Variants in SRBD1 observed in about 807,000 individuals in gnomAD.
SRBD1 encodes S1 RNA binding domain 1, also known as S1 RNA-binding domain-containing protein 1.
A neutral mutation model predicts 115.3 loss-of-function variants in SRBD1; 88 were observed. That is an observed-to-expected ratio of 0.76 (90% confidence interval 0.64 to 0.91). The LOEUF is 0.91. Ranked by LOEUF, SRBD1 falls within the 40% of genes least tolerant of loss-of-function variation. The probability of loss-of-function intolerance (pLI) is 0.00; values close to 1 mark genes in which losing one functional copy is unlikely to be tolerated. For missense variants in SRBD1, 1,385 were observed against 1,177.4 expected, an observed-to-expected ratio of 1.18 and a Z score of -2.58; for synonymous variants, 509 against 407.7, an observed-to-expected ratio of 1.25 and a Z score of -2.99.
intron 5 of SRBD1, among the ~76,000 whole-genome samples, chr2:45,584,897 T>G (rs1261528099): frequency 6.6e-6 from 1 of 152,174 alleles, no homozygotes. Flanking sequence ...AAGCCTATCA[T>G]CTCAGCACTT....
intron 19 of SRBD1, among the ~76,000 whole-genome samples, chr2:45,398,955 C>G (rs979192577): frequency 3.3e-5 from 5 of 152,018 alleles, no homozygotes; most frequent in Non-Finnish European, 7.4e-5. Context: ...GCTATTATTG[C>G]TCCAAAGACA....
chr2:45,419,333 A>C (rs1248130541), intron 17 of SRBD1, among the ~76,000 whole-genome samples: 1 of 152,226 alleles, frequency 6.6e-6, no homozygotes, highest in African/African-American at 2.4e-5. Context: ...ACATGCGATT[A>C]TAGTATGATA....
At chr2:45,575,670 T>C (rs1198198814) in intron 7 of SRBD1, among the ~76,000 whole-genome samples, 1 of 152,184 alleles carries the variant, frequency 6.6e-6, no homozygotes, top group Non-Finnish European at 1.5e-5. Flanking sequence ...GTAATTATGT[T>C]TACAGTTGAC....
At chr2:45,497,910 T>C (rs530156890) in intron 14 of SRBD1, among the ~76,000 whole-genome samples, 51 of 152,250 alleles carry the variant, frequency 3.3e-4, no homozygotes, top group Admixed American at 1.2e-3. Context: ...GACATGCACC[T>C]GTAATCCCAG....
chr2:45,550,454 CCA>C (rs1672260375), intron 12 of SRBD1, among the ~76,000 whole-genome samples: 1 of 148,740 alleles, frequency 6.7e-6, no homozygotes, highest in South Asian at 2.1e-4. Context: ...TAACAAATAA[CCA>C]CAGTTTGGCT....
At chr2:45,412,853 G>T (rs1400814960) in intron 19 of SRBD1, among the ~76,000 whole-genome samples, 1 of 152,104 alleles carries the variant, frequency 6.6e-6, no homozygotes, top group East Asian at 1.9e-4. Context: ...CAAACAGAGG[G>T]GAGTGCCATG....
At position 45,599,984 on chromosome 2, in the gene SRBD1, C is replaced by G. The variant is rs193236470; in HGVS notation, c.262-149G>C. The G allele has an allele frequency of 1.1e-4, 102 of 952,094 alleles. No individual in the cohort carries two copies. In the Admixed American group the frequency reaches 2.6e-3, roughly 24 times the overall value. 59.0% of individuals were successfully genotyped at this position (952,094 alleles called of 1,614,324 possible). A position where few individuals can be genotyped will look rare whatever the true frequency, so the allele number is the denominator to read the frequency against. Reference sequence around the variant, plus strand: ...AAATTATGTTGAGTGGGAAAAAAAGCCAATCTCAAAGTTACATACTATATG... The same window carrying G: ...AAATTATGTTGAGTGGGAAAAAAAGGCAATCTCAAAGTTACATACTATATG... On this transcript the variant is annotated intron_variant, in intron 3 of 20. Transcript: ENST00000263736.
In SRBD1 at chr2:45,389,223, C is replaced by T; in HGVS notation, c.*87G>A. On this transcript the variant is annotated 3_prime_UTR_variant, in exon 21 of 21. Coordinates refer to ENST00000263736, the MANE Select transcript of SRBD1 (RefSeq NM_018079.5). ...TATTAAGTGAATTATTTCTCATCTG[C>T]TACCTAGAGTTTACAAACAACTGAC... The T allele has an allele frequency of 4.9e-6, 7 of 1,422,198 alleles. No homozygotes were observed. The highest frequency in any genetic ancestry group is 6.7e-6 in the Non-Finnish European group (7 of 1,048,906). 88.1% of individuals were successfully genotyped at this position (1,422,198 alleles called of 1,614,324 possible).
At chr2:45,550,268 T>C (rs1230180271) in intron 12 of SRBD1, among the ~76,000 whole-genome samples, 1 of 151,304 alleles carries the variant, frequency 6.6e-6, no homozygotes, top group Non-Finnish European at 1.5e-5. Flanking sequence ...GTAATTGGAG[T>C]TCCAGAAAGA....
At chr2:45,565,821 T>A (rs557470636) in intron 9 of SRBD1, among the ~76,000 whole-genome samples, 49 of 152,360 alleles carry the variant, frequency 3.2e-4, no homozygotes, top group African/African-American at 1.2e-3. Context: ...AGATGGGGTT[T>A]CACCATGTTG....
At chr2:45,428,294 T>C (rs1234711058) in intron 16 of SRBD1, among the ~76,000 whole-genome samples, 3 of 152,124 alleles carry the variant, frequency 2.0e-5, no homozygotes, top group African/African-American at 7.2e-5. Flanking sequence ...CTCACGCCTG[T>C]AATCCCAGCA....
In SRBD1 at chr2:45,597,349, G is replaced by C. The variant is rs541763621; in HGVS notation, c.648+2100C>G. Among the ~76,000 whole-genome samples, 18 of 151,984 alleles carry C rather than the reference G, an allele frequency of 1.2e-4. 1 individual carries two copies. In the South Asian group the frequency reaches 3.3e-3, roughly 28 times the overall value. Reference sequence around the variant, plus strand: ...GCAGGAGAATCGCTTGAACCTGGGAGGCAGAGGTTGCAGTGAGCCAAGATC... The same window carrying C: ...GCAGGAGAATCGCTTGAACCTGGGACGCAGAGGTTGCAGTGAGCCAAGATC... On this transcript the variant is annotated intron_variant, in intron 4 of 20. Transcript: ENST00000263736.
chr2:45,553,586 A>G, intron 11 of SRBD1, 37 bp downstream of exon 11: 1 of 1,369,156 alleles, frequency 7.3e-7, no homozygotes, highest in Non-Finnish European at 1.0e-6. Flanking sequence ...ATATAACAAT[A>G]ATCAGTACAC....
At chr2:45,589,533 A>G (rs757828481) in intron 4 of SRBD1, among the ~76,000 whole-genome samples, 1 of 152,234 alleles carries the variant, frequency 6.6e-6, no homozygotes, top group Non-Finnish European at 1.5e-5. Context: ...AGAGCAATCC[A>G]TGGGCTCCCA....
chr2:45,411,931 C>T (rs1440465538), intron 19 of SRBD1, among the ~76,000 whole-genome samples: 1 of 151,880 alleles, frequency 6.6e-6, no homozygotes, highest in African/African-American at 2.4e-5. Flanking sequence ...GACAATACAG[C>T]GAAACTCTAT....
chr2:45,575,112 T>C (rs1640873008), intron 7 of SRBD1, among the ~76,000 whole-genome samples: 1 of 152,182 alleles, frequency 6.6e-6, no homozygotes, highest in African/African-American at 2.4e-5. Context: ...CTAAAGATGT[T>C]ATGGGAAATA....
intron 16 of SRBD1, among the ~76,000 whole-genome samples, chr2:45,430,060 C>T (rs111874406): frequency 0.095 from 14,431 of 152,012 alleles, 715 homozygotes; most frequent in South Asian, 0.15. Context: ...GATTAAAATA[C>T]CTAGAAATAC....
chr2:45,546,343 G>C, intron 14 of SRBD1: 1 of 985,410 alleles, frequency 1.0e-6, no homozygotes, highest in Non-Finnish European at 1.2e-6. Flanking sequence ...GAAGGGTAAT[G>C]ATTCATAGGC....
intron 14 of SRBD1, among the ~76,000 whole-genome samples, chr2:45,501,483 G>C (rs956293056): frequency 2.0e-5 from 3 of 152,158 alleles, no homozygotes; most frequent in African/African-American, 7.2e-5. Context: ...AGGTGAAGCA[G>C]GGCAAGGCAT....
Sources: allele counts gnomAD v4.1 joint callset (sites outside exome capture counted in the v4.1 genomes callset), GRCh38; gene constraint gnomAD v4.1.1; transcripts MANE v1.5; gene names NCBI Gene and HGNC (gene_info 2026-07-23, HGNC 2026-07-21).